The following MAGI1 variants were observed in gnomAD, a reference collection of about 807,000 sequenced individuals.
MAGI1 encodes the protein membrane-associated guanylate kinase, WW and PDZ domain-containing protein 1.
In MAGI1, 58 loss-of-function variants were observed where a neutral mutation model predicts 139.9. The ratio of observed to expected loss-of-function variants is 0.41; its 90% CI spans 0.34 to 0.52. MAGI1 has a LOEUF of 0.52. Among genes scored for constraint, MAGI1 ranks in the 20% least tolerant of loss-of-function variants. The probability of loss-of-function intolerance (pLI) is 0.12; values close to 1 mark genes in which losing one functional copy is unlikely to be tolerated. For synonymous variants in MAGI1, 812 were observed against 737.9 expected, an observed-to-expected ratio of 1.10 and a Z score of -1.63; for missense variants, 1,874 against 1,901.6, an observed-to-expected ratio of 0.99 and a Z score of 0.27.
chr3:65,729,045 G>T (rs987743714), intron 1 of MAGI1, among the ~76,000 whole-genome samples: 1 of 141,132 alleles, frequency 7.1e-6, no homozygotes, highest in Non-Finnish European at 1.5e-5. Flanking sequence ...GACCTGGCAT[G>T]GTCTGAATCT....
intron 2 of MAGI1, among the ~76,000 whole-genome samples, chr3:65,587,637 T>C (rs2081754663): frequency 6.6e-6 from 1 of 151,862 alleles, no homozygotes; most frequent in South Asian, 2.1e-4. Flanking sequence ...CATGCCACCA[T>C]GCCCAGCTAA....
At chr3:65,456,365 A>G (rs1949386084) in intron 5 of MAGI1, among the ~76,000 whole-genome samples, 1 of 151,828 alleles carries the variant, frequency 6.6e-6, no homozygotes, top group African/African-American at 2.4e-5. Context: ...CACATTCTCA[A>G]TGAATGGTTT....
chr3:65,934,297 GGGTT>G (rs2062945157), intron 1 of MAGI1, among the ~76,000 whole-genome samples: 1 of 150,864 alleles, frequency 6.6e-6, no homozygotes, highest in African/African-American at 2.4e-5. Flanking sequence ...GGATCTTGCT[GGGTT>G]GCCCAGGCTG....
intron 1 of MAGI1, among the ~76,000 whole-genome samples, chr3:65,768,744 G>C (rs1385807228): frequency 6.6e-6 from 1 of 152,168 alleles, no homozygotes; most frequent in South Asian, 2.1e-4. Context: ...GTCCCAGTTT[G>C]AACCTTCCTA....
At chr3:65,734,286 C>G (rs1576933884) in intron 1 of MAGI1, among the ~76,000 whole-genome samples, 1 of 151,964 alleles carries the variant, frequency 6.6e-6, no homozygotes, top group South Asian at 2.1e-4. Flanking sequence ...ACAGGGAGAC[C>G]CTGCCTCTAC....
At chr3:65,776,261 T>C (rs1331476961) in intron 1 of MAGI1, among the ~76,000 whole-genome samples, 1 of 150,300 alleles carries the variant, frequency 6.7e-6, no homozygotes, top group Admixed American at 6.6e-5. Context: ...TTTTTTTTTT[T>C]TATGGCTTCT....
At chr3:65,685,692 A>T (rs2087968755) in intron 1 of MAGI1, among the ~76,000 whole-genome samples, 1 of 152,204 alleles carries the variant, frequency 6.6e-6, no homozygotes, top group Non-Finnish European at 1.5e-5. Flanking sequence ...GATCATTTCC[A>T]TCAGTTTCTA....
At chr3:65,556,296 G>T (rs114080370) in intron 2 of MAGI1, among the ~76,000 whole-genome samples, 3,307 of 152,246 alleles carry the variant, frequency 0.022, 112 homozygotes, top group African/African-American at 0.075. Context: ...AACCAAATTT[G>T]TCATATGGCT....
At chr3:65,668,374 T>A (rs1044863446) in intron 1 of MAGI1, among the ~76,000 whole-genome samples, 2 of 152,124 alleles carry the variant, frequency 1.3e-5, no homozygotes, top group African/African-American at 4.8e-5. Flanking sequence ...ACATCAGTCA[T>A]CCCCTGCCAG....
At chr3:65,990,280 A>G (rs2066103199) in intron 1 of MAGI1, among the ~76,000 whole-genome samples, 1 of 152,230 alleles carries the variant, frequency 6.6e-6, no homozygotes, top group African/African-American at 2.4e-5. Flanking sequence ...GTTCTCGGTC[A>G]GCATTCCACC....
intron 14 of MAGI1, among the ~76,000 whole-genome samples, chr3:65,389,334 A>C (rs1943708220): frequency 6.6e-6 from 1 of 152,154 alleles, no homozygotes; most frequent in African/African-American, 2.4e-5. Context: ...CCTTCTATTA[A>C]ACGGATGTTT....
intron 1 of MAGI1, among the ~76,000 whole-genome samples, chr3:65,812,458 T>TCACACACACACACACA (rs779884222): frequency 2.5e-4 from 25 of 101,606 alleles, no homozygotes; most frequent in South Asian, 1.5e-3. Context: ...TCTCTCTCTC[T>TCACACACACACACACA]CTCTCTCTCT....
At chr3:65,636,713 C>T (rs1019037671) in intron 1 of MAGI1, among the ~76,000 whole-genome samples, 2 of 150,834 alleles carry the variant, frequency 1.3e-5, no homozygotes, top group South Asian at 2.1e-4. Flanking sequence ...TACACACACA[C>T]ACACACACAC....
intron 1 of MAGI1, among the ~76,000 whole-genome samples, chr3:65,930,212 G>A (rs1310536889): frequency 6.6e-6 from 1 of 150,596 alleles, no homozygotes; most frequent in Non-Finnish European, 1.5e-5. Flanking sequence ...GCTACTCAGG[G>A]GGCTGAGGCA....
At chr3:65,995,400 G>A (rs960004246) in intron 1 of MAGI1, among the ~76,000 whole-genome samples, 4 of 152,088 alleles carry the variant, frequency 2.6e-5, no homozygotes, top group Non-Finnish European at 4.4e-5. Context: ...GAAATAATAA[G>A]ACAGGTCAAT....
chr3:65,622,227 G>C (rs2083715055), intron 1 of MAGI1, 139 bp from the exon 2 acceptor site: 4 of 693,302 alleles, frequency 5.8e-6, no homozygotes, highest in Middle Eastern at 5.0e-4. Context: ...ATGTACTTTA[G>C]GTTTTCCTCT....
intron 12 of MAGI1, among the ~76,000 whole-genome samples, chr3:65,423,436 G>C (rs1946783974): frequency 6.6e-6 from 1 of 152,144 alleles, no homozygotes; most frequent in South Asian, 2.1e-4. Flanking sequence ...CTTAGCTAAC[G>C]AGATTAGATA....
chr3:65,379,904 GCGTAGGTGAGGGCTA>G (rs751915522), intron 16 of MAGI1, among the ~76,000 whole-genome samples: 92 of 152,336 alleles, frequency 6.0e-4, no homozygotes, highest in Non-Finnish European at 7.5e-4. Context: ...AAGGGCCTAA[GCGTAGGTGAGGGCTA>G]CACCCGTGAA....
chr3:65,918,035 A>C (rs1388782920), intron 1 of MAGI1, among the ~76,000 whole-genome samples: 1 of 152,220 alleles, frequency 6.6e-6, no homozygotes, highest in Non-Finnish European at 1.5e-5. Flanking sequence ...AGCAGAGGGT[A>C]CATAGGAAAT....
Sources: allele counts gnomAD v4.1 joint callset (sites outside exome capture counted in the v4.1 genomes callset), GRCh38; gene constraint gnomAD v4.1.1; transcripts MANE v1.5; gene names NCBI Gene and HGNC (gene_info 2026-07-23, HGNC 2026-07-21).